SIN3A: variants seen among roughly 807,000 people sequenced by gnomAD.
SIN3A encodes the protein paired amphipathic helix protein Sin3a.
SIN3A carries 14 observed loss-of-function variants against 146.1 expected under a neutral mutation model. The observed-to-expected ratio is 0.10, with a 90% confidence interval of 0.06 to 0.15. The LOEUF (loss-of-function observed/expected upper bound fraction) is 0.15. Among genes scored for constraint, SIN3A ranks in the 10% least tolerant of loss-of-function variants. The pLI, the probability that SIN3A is intolerant of heterozygous loss-of-function variation, is 1.00. For missense variants in SIN3A, 1,028 were observed against 1,576.0 expected (o/e 0.65, Z 5.89); for synonymous variants, 572 against 572.0 (o/e 1.00, Z 0.00).
intron 1 of SIN3A, among the ~76,000 whole-genome samples, chr15:75,432,809 G>A (rs961658340): frequency 3.3e-5 from 5 of 151,928 alleles, no homozygotes; most frequent in African/African-American, 4.8e-5. Flanking sequence ...TTGGAAGGCC[G>A]AGGTGGGTGG....
At chr15:75,439,692 A>C (rs1169969797) in intron 1 of SIN3A, among the ~76,000 whole-genome samples, 1 of 151,752 alleles carries the variant, frequency 6.6e-6, no homozygotes, top group Non-Finnish European at 1.5e-5. Flanking sequence ...CCCGCATTAT[A>C]CCATTACGCA....
chr15:75,442,657 T>C (rs939011097), intron 1 of SIN3A, among the ~76,000 whole-genome samples: 1 of 146,630 alleles, frequency 6.8e-6, no homozygotes, highest in African/African-American at 2.5e-5. Flanking sequence ...CCGCTGGGCA[T>C]GGTGGCTCAC....
intron 20 of SIN3A, 98 bp from the exon 21 acceptor site, chr15:75,372,307 A>G: frequency 2.8e-6 from 2 of 708,264 alleles, no homozygotes; most frequent in East Asian, 2.7e-5. Context: ...AGCAAAGGAA[A>G]GATGTGGGCT....
intron 19 of SIN3A, among the ~76,000 whole-genome samples, chr15:75,379,541 A>G (rs1353265896): frequency 1.3e-5 from 2 of 152,234 alleles, no homozygotes; most frequent in Non-Finnish European, 2.9e-5. Context: ...TGTTATTAGC[A>G]TGGAGCCTGT....
chr15:75,423,345 T>TA (rs2073871422), intron 2 of SIN3A, among the ~76,000 whole-genome samples: 1 of 151,998 alleles, frequency 6.6e-6, no homozygotes, highest in Non-Finnish European at 1.5e-5. Context: ...TTAAATAAAT[T>TA]ACAGCCCACC....
At chr15:75,433,156 T>C (rs1399175716) in intron 1 of SIN3A, among the ~76,000 whole-genome samples, 1 of 152,102 alleles carries the variant, frequency 6.6e-6, no homozygotes, top group Non-Finnish European at 1.5e-5. Flanking sequence ...TTCTGTTGGA[T>C]GGGAGAATGT....
At chr15:75,436,120 T>TA (rs2074103259) in intron 1 of SIN3A, among the ~76,000 whole-genome samples, 1 of 147,326 alleles carries the variant, frequency 6.8e-6, no homozygotes, top group African/African-American at 2.5e-5. Flanking sequence ...GGCAACAGAG[T>TA]GAGACTCTGT....
chr15:75,410,462 T>C (rs559248816), intron 6 of SIN3A, among the ~76,000 whole-genome samples, 176 bp from the exon 7 acceptor site: 17 of 151,758 alleles, frequency 1.1e-4, no homozygotes, highest in Non-Finnish European at 1.8e-4. Context: ...AAGTTGAAGA[T>C]GGTGGATGAC....
intron 3 of SIN3A, among the ~76,000 whole-genome samples, chr15:75,418,226 G>C (rs1286366378): frequency 6.6e-6 from 1 of 151,450 alleles, no homozygotes; most frequent in African/African-American, 2.4e-5. Context: ...GAGATGGGGT[G>C]TCACCATGTT....
chr15:75,422,580 C>T, intron 3 of SIN3A, 67 bp downstream of exon 3: 3 of 1,546,200 alleles, frequency 1.9e-6, no homozygotes, highest in Non-Finnish European at 2.7e-6. Context: ...CCACAACCAA[C>T]AAGCTGCAAC....
intron 3 of SIN3A, chr15:75,422,254 A>G (rs2073852232): frequency 3.0e-6 from 1 of 328,670 alleles, no homozygotes; most frequent in Non-Finnish European, 5.5e-6. Context: ...TTAAGAATTT[A>G]AAAAGATTGA....
chr15:75,450,765 G>A (rs2074389143), intron 1 of SIN3A, among the ~76,000 whole-genome samples: 1 of 152,176 alleles, frequency 6.6e-6, no homozygotes, highest in Admixed American at 6.5e-5. Context: ...CCCTCCCCAC[G>A]GAGACATAGG....
At chr15:75,436,104 G>A (rs550185548) in intron 1 of SIN3A, among the ~76,000 whole-genome samples, 13 of 151,352 alleles carry the variant, frequency 8.6e-5, no homozygotes, top group African/African-American at 2.9e-4. Context: ...ACTGCACTCC[G>A]GCCTGGGCAA....
intron 2 of SIN3A, among the ~76,000 whole-genome samples, chr15:75,426,941 T>C (rs1487711190): frequency 6.6e-6 from 1 of 151,362 alleles, no homozygotes; most frequent in Non-Finnish European, 1.5e-5. Flanking sequence ...AAAAAAAAAG[T>C]AAATTTAGAT....
At chr15:75,410,469 T>A (rs2073612632) in intron 6 of SIN3A, among the ~76,000 whole-genome samples, 183 bp from the exon 7 acceptor site, 1 of 151,856 alleles carries the variant, frequency 6.6e-6, no homozygotes, top group African/African-American at 2.4e-5. Context: ...AGATGGTGGA[T>A]GACAATTCCT....
chr15:75,403,975 A>T (rs189903591), intron 9 of SIN3A, among the ~76,000 whole-genome samples: 4 of 152,228 alleles, frequency 2.6e-5, no homozygotes, highest in African/African-American at 9.6e-5. Flanking sequence ...CTCTATTTAC[A>T]ATATTGAGCA....
At chr15:75,417,382 T>TTTTTTTTTTCTTTTC (rs2073759436) in intron 3 of SIN3A, among the ~76,000 whole-genome samples, 2 of 151,984 alleles carry the variant, frequency 1.3e-5, no homozygotes, top group South Asian at 4.1e-4. Flanking sequence ...CTTTTTCTTT[T>TTTTTTTTTTCTTTTC]TTTTTTTTTT....
chr15:75,448,175 T>TAAA (rs59766455), intron 1 of SIN3A: 9 of 133,930 alleles, frequency 6.7e-5, no homozygotes, highest in Non-Finnish European at 1.1e-4. Context: ...AGACTTCGTC[T>TAAA]AAAAAAAAAA....
intron 3 of SIN3A, 85 bp downstream of exon 3, chr15:75,422,562 T>C (rs1373822308): frequency 1.4e-6 from 2 of 1,444,570 alleles, no homozygotes; most frequent in Non-Finnish European, 1.9e-6. Context: ...AGGTTAGAAG[T>C]TGTACCACCA....
Sources: gnomAD v4.1 joint callset for allele counts (sites outside exome capture counted in the v4.1 genomes callset) on GRCh38, gnomAD v4.1.1 for gene constraint, MANE v1.5 for transcripts, NCBI Gene and HGNC (gene_info 2026-07-23, HGNC 2026-07-21) for gene names.